The following MPZL3 variants were observed in gnomAD, a reference collection of about 807,000 sequenced individuals.
MPZL3 encodes myelin protein zero like 3, also known as myelin protein zero-like protein 3.
Under a neutral mutation model 24.8 loss-of-function variants are expected in MPZL3, and 23 were observed. That is an observed-to-expected ratio of 0.93 (90% CI 0.67 to 1.31). The LOEUF is 1.31. MPZL3 is among the 40% of genes most tolerant of loss of function. The probability of loss-of-function intolerance (pLI) is 0.00; values close to 1 mark genes in which losing one functional copy is unlikely to be tolerated. For missense variants in MPZL3, 277 were observed against 294.9 expected (o/e 0.94, Z 0.44); for synonymous variants, 99 against 106.5 (o/e 0.93, Z 0.44).
At position 118,233,626 on chromosome 11, in the gene MPZL3, C is replaced by G. The variant is rs1428320867; in HGVS notation, c.618-103G>C. 10 of 1,159,466 alleles carry G rather than the reference C, an allele frequency of 8.6e-6. No homozygotes were observed. In the East Asian group the frequency reaches 2.2e-4, roughly 26 times the overall value. The allele number at this position is 1,159,466 out of a possible 1,614,324, so 71.8% of individuals were successfully genotyped here. A position where few individuals can be genotyped will look rare whatever the true frequency, so the allele number is the denominator to read the frequency against. ...AATCAGACAGGTCTGGTTTTAGATT[C>G]CAGTTCTTCCACTCACTAGCTGGGT... On this transcript the variant is annotated intron_variant, in intron 4 of 5. Transcript: ENST00000278949.
Position 118,229,121 on chromosome 11 carries a change from G to A in MPZL3, c.*773C>T, listed in dbSNP as rs1286020488. 14 of 79,708 alleles carry A rather than the reference G, an allele frequency of 1.8e-4. No individual in the cohort carries two copies. Among genetic ancestry groups the A allele is most frequent in the African/African-American group, 8.7e-4 (14 of 16,138 alleles). 4.9% of individuals were successfully genotyped at this position (79,708 alleles called of 1,614,324 possible). On this transcript the variant is annotated 3_prime_UTR_variant, in exon 6 of 6. Transcript: ENST00000278949. The stretch of plus-strand genomic sequence containing the variant: ...CAGCCTGGCGACAGAGTGAGACTCT[G>A]CCTCAAAAAAAAAAAAAAAAAAAAA...
At position 118,229,868 on chromosome 11, in the gene MPZL3, C is replaced by T. The variant is rs767270979; in HGVS notation, c.*26G>A. 9 of 1,612,798 alleles carry T rather than the reference C, an allele frequency of 5.6e-6. No homozygotes were observed. The highest frequency in any genetic ancestry group is 6.8e-6 in the Non-Finnish European group (8 of 1,179,176). ...TGGGATGTTTCCTGTCTTTAGGTGACTCTTCTTGTGTCATACAGACTTTCA... is the reference window on the plus strand; with the variant it reads ...TGGGATGTTTCCTGTCTTTAGGTGATTCTTCTTGTGTCATACAGACTTTCA... On this transcript the variant is annotated 3_prime_UTR_variant, in exon 6 of 6. Coordinates refer to ENST00000278949, the MANE Select transcript of MPZL3 (RefSeq NM_198275.3).
intron 3 of MPZL3, among the ~76,000 whole-genome samples, chr11:118,236,415 G>A (rs987390334): frequency 1.3e-5 from 2 of 152,016 alleles, no homozygotes; most frequent in African/African-American, 2.4e-5. Flanking sequence ...GCAAGGGAGA[G>A]AAACTTGAGA....
intron 3 of MPZL3, among the ~76,000 whole-genome samples, chr11:118,236,130 A>G (rs1039789682): frequency 1.3e-5 from 2 of 152,204 alleles, no homozygotes; most frequent in Non-Finnish European, 2.9e-5. Context: ...TGGAATTACT[A>G]GATCAAAGGG....
intron 5 of MPZL3, among the ~76,000 whole-genome samples, chr11:118,230,829 T>C (rs1198780828): frequency 6.6e-6 from 1 of 152,168 alleles, no homozygotes; most frequent in East Asian, 1.9e-4. Flanking sequence ...CCTGTCTTAC[T>C]TTATCTAAGG....
chr11:118,233,117 A>C (rs1429436412), intron 5 of MPZL3, among the ~76,000 whole-genome samples: 1 of 152,140 alleles, frequency 6.6e-6, no homozygotes, highest in East Asian at 1.9e-4. Context: ...GAAAAGTTAA[A>C]TTCAGGGTCG....
chr11:118,233,142 A>C lies in MPZL3; in HGVS notation c.681+318T>G, dbSNP rs183834938. 4.5e-4 allele frequency among the ~76,000 whole-genome samples: 68 copies of C among 152,250 alleles called. 1 individual carries two copies. The highest frequency in any genetic ancestry group is 8.5e-4 in the Non-Finnish European group (58 of 68,012). ...ATTCAGGGTCGAGTCCAGCCAGTCG[A>C]AGTCTCCTAGTATGAATTCAGTGGC... On this transcript the variant is annotated intron_variant, in intron 5 of 5. Transcript: ENST00000278949.
At chr11:118,238,745 G>A (rs529385212) in intron 2 of MPZL3, among the ~76,000 whole-genome samples, 4 of 152,306 alleles carry the variant, frequency 2.6e-5, no homozygotes, top group African/African-American at 9.6e-5. Context: ...AGGATATGGT[G>A]GGAGCCACGC....
At chr11:118,250,935 T>C (rs1284503271) in intron 1 of MPZL3, among the ~76,000 whole-genome samples, 1 of 152,168 alleles carries the variant, frequency 6.6e-6, no homozygotes, top group Non-Finnish European at 1.5e-5. Flanking sequence ...TACATAGAGA[T>C]TGTAAAATCA....
At chr11:118,246,561 A>ACTTTT (rs1949558250) in intron 1 of MPZL3, among the ~76,000 whole-genome samples, 1 of 145,126 alleles carries the variant, frequency 6.9e-6, no homozygotes, top group African/African-American at 2.6e-5. Flanking sequence ...TGTATGGGCC[A>ACTTTT]CTTTTCTTTT....
chr11:118,229,661 T>C lies in MPZL3; in HGVS notation c.*233A>G, dbSNP rs1949323011. 2.4e-6 allele frequency: 1 copy of C among 421,426 alleles called. No individual in the cohort carries two copies. Among genetic ancestry groups the C allele is most frequent in the Non-Finnish European group, 4.2e-6 (1 of 236,886 alleles). 26.1% of individuals were successfully genotyped at this position (421,426 alleles called of 1,614,324 possible). Reference sequence around the variant, plus strand: ...TTTCTTCATTCAATTACAGCATAATTCATTGAAAGGGGAAGTCATGAGTCT... The same window carrying C: ...TTTCTTCATTCAATTACAGCATAATCCATTGAAAGGGGAAGTCATGAGTCT... On this transcript the variant is annotated 3_prime_UTR_variant, in exon 6 of 6. Coordinates refer to ENST00000278949, the MANE Select transcript of MPZL3 (RefSeq NM_198275.3).
intron 5 of MPZL3, among the ~76,000 whole-genome samples, chr11:118,232,457 T>A (rs1379695422): frequency 6.6e-6 from 1 of 152,098 alleles, no homozygotes; most frequent in Non-Finnish European, 1.5e-5. Flanking sequence ...GAGAAAGTTT[T>A]CCAGGCAAAG....
intron 1 of MPZL3, among the ~76,000 whole-genome samples, chr11:118,242,689 C>T (rs2091342251): frequency 6.6e-6 from 1 of 152,248 alleles, no homozygotes; most frequent in Admixed American, 6.5e-5. Flanking sequence ...CATATCCCAA[C>T]ATTCACACAC....
At chr11:118,248,833 A>C (rs112438456) in intron 1 of MPZL3, among the ~76,000 whole-genome samples, 8,984 of 152,232 alleles carry the variant, frequency 0.059, 670 homozygotes, top group African/African-American at 0.17. Context: ...TAAATGGAAT[A>C]AAACCAACTT....
At chr11:118,230,776 G>A (rs1681531280) in intron 5 of MPZL3, among the ~76,000 whole-genome samples, 1 of 151,984 alleles carries the variant, frequency 6.6e-6, no homozygotes, top group Non-Finnish European at 1.5e-5. Context: ...ATCTACATCT[G>A]GATCCATCTA....
At chr11:118,249,024 T>G (rs906123994) in intron 1 of MPZL3, among the ~76,000 whole-genome samples, 1 of 136,430 alleles carries the variant, frequency 7.3e-6, no homozygotes, top group African/African-American at 2.9e-5. Flanking sequence ...CTTTACAGAC[T>G]AATATTTTCG....
At chr11:118,240,980 G>A (rs1358282981) in intron 1 of MPZL3, among the ~76,000 whole-genome samples, 1 of 152,116 alleles carries the variant, frequency 6.6e-6, no homozygotes, top group Non-Finnish European at 1.5e-5. Flanking sequence ...AGCTGGCTGA[G>A]GAATCACACA....
At chr11:118,239,487 A>T (rs11216827) in intron 2 of MPZL3, among the ~76,000 whole-genome samples, 63,425 of 152,134 alleles carry the variant, frequency 0.42, 15,113 homozygotes, top group South Asian at 0.72. Flanking sequence ...TTCTTGAATA[A>T]CATCTATCCT....
chr11:118,243,243 C>T (rs1949518049), intron 1 of MPZL3, among the ~76,000 whole-genome samples: 1 of 152,186 alleles, frequency 6.6e-6, no homozygotes, highest in African/African-American at 2.4e-5. Context: ...AAGCCCTTGT[C>T]ATTCTCCCTT....
Sources: gnomAD v4.1 joint callset for allele counts (sites outside exome capture counted in the v4.1 genomes callset) on GRCh38, gnomAD v4.1.1 for gene constraint, MANE v1.5 for transcripts, NCBI Gene and HGNC (gene_info 2026-07-23, HGNC 2026-07-21) for gene names.